RSPO4: variants seen among roughly 807,000 people sequenced by gnomAD.
The protein encoded by RSPO4 is R-spondin-4.
RSPO4 carries 23 observed loss-of-function variants against 24.8 expected under a neutral mutation model. The observed-to-expected ratio is 0.93, with a 90% CI of 0.67 to 1.31. RSPO4 has a LOEUF of 1.31. Ranked by LOEUF, RSPO4 falls within the 40% of genes most tolerant of loss-of-function variation. RSPO4 has a pLI of 0.00. For missense variants in RSPO4, 333 were observed against 316.5 expected, an observed-to-expected ratio of 1.05 and a Z score of -0.39; for synonymous variants, 141 against 127.4, an observed-to-expected ratio of 1.11 and a Z score of -0.72.
At chr20:967,149 G>A in intron 3 of RSPO4, 25 bp downstream of exon 3, 8 of 1,608,232 alleles carry the variant, frequency 5.0e-6, no homozygotes, top group Non-Finnish European at 5.9e-6. Flanking sequence ...AGGGGCAGGG[G>A]CAGGGCGGGG....
At chr20:966,198 G>T (rs1327506954) in intron 3 of RSPO4, among the ~76,000 whole-genome samples, 1 of 152,152 alleles carries the variant, frequency 6.6e-6, no homozygotes. Context: ...GAGCCCGGAG[G>T]GAATGCGTGG....
rs1600087858 is a variant in RSPO4 at position 964,070 on chromosome 20, C to T, written c.460G>A (p.Gly154Arg). The part of the protein sequence containing the change: ...WGGWSPCTHN[G>R]KTCGSAWGLE... ...CCCCAAGCCGAGCCGCAGGTCTTTC[C>T]ATTGTGTGTGCAGGGGCTCCAGCCG... is the stretch of plus-strand genomic sequence containing the variant. Residue 154 changes from glycine to arginine, a missense_variant, in exon 4 of 5, where the codon GGA (glycine) becomes AGA (arginine). Physicochemically the swap from Gly to Arg is moderately radical, Grantham distance 125 (BLOSUM62 -2). Coordinates refer to ENST00000217260, the MANE Select transcript of RSPO4 (RefSeq NM_001029871.4). 1 of 1,613,894 alleles carries T rather than the reference C, an allele frequency of 6.2e-7. No individual in the cohort carries two copies. Among genetic ancestry groups the T allele is most frequent in the African/African-American group, 1.3e-5 (1 of 75,068 alleles).
chr20:959,987 A>G lies in RSPO4; in HGVS notation c.*370T>C. 1 of 263,060 alleles carries G rather than the reference A, an allele frequency of 3.8e-6. No individual in the cohort carries two copies. Among genetic ancestry groups the G allele is most frequent in the Non-Finnish European group, 7.3e-6 (1 of 136,814 alleles). 16.3% of individuals were successfully genotyped at this position (263,060 alleles called of 1,614,324 possible). The stretch of plus-strand genomic sequence containing the variant: ...TAGAGAAAGCTGCAGGGGAGGGCAC[A>G]GGCTCATGGTCCCTCTTAAAGTGTG... On this transcript the variant is annotated 3_prime_UTR_variant, in exon 5 of 5. Transcript: ENST00000217260.
chr20:971,384 TGTA>T (rs1984403095), intron 1 of RSPO4, among the ~76,000 whole-genome samples: 1 of 152,236 alleles, frequency 6.6e-6, no homozygotes, highest in South Asian at 2.1e-4. Flanking sequence ...GAGAAACCCT[TGTA>T]TATGTGTAGA....
At chr20:998,894 G>A (rs1210086166) in intron 1 of RSPO4, among the ~76,000 whole-genome samples, 3 of 152,088 alleles carry the variant, frequency 2.0e-5, no homozygotes, top group African/African-American at 4.8e-5. Flanking sequence ...GGACCCTGAG[G>A]GATTGTGTAC....
Position 970,582 on chromosome 20 carries a change from TCTGAGGGCAGAGAG to T in RSPO4, c.80-2458_80-2445del, listed in dbSNP as rs1171287517. ...TCTGGAGCTGTATACCTGGCAGGGA[TCTGAGGGCAGAGAG>T]CAAGTGTGATGTTGTAAGGGAGATT... On this transcript the variant is annotated intron_variant, in intron 1 of 4. Coordinates refer to ENST00000217260, the MANE Select transcript of RSPO4 (RefSeq NM_001029871.4). This position sits in a 1 kb window ranked among gnomAD's most constrained non-coding sequence, Gnocchi z 4.1. Among the ~76,000 whole-genome samples, 1 of 152,008 alleles carries T rather than the reference TCTGAGGGCAGAGAG, an allele frequency of 6.6e-6. No homozygotes were observed. The highest frequency in any genetic ancestry group is 1.5e-5 in the Non-Finnish European group (1 of 68,018).
chr20:998,579 A>G (rs1568935543), intron 1 of RSPO4, among the ~76,000 whole-genome samples: 1 of 152,198 alleles, frequency 6.6e-6, no homozygotes, highest in Non-Finnish European at 1.5e-5. Context: ...GCAGGCTCAG[A>G]GAGGGCAGAT....
At chr20:982,098 T>A (rs1269447568) in intron 1 of RSPO4, among the ~76,000 whole-genome samples, 1 of 152,160 alleles carries the variant, frequency 6.6e-6, no homozygotes, top group Non-Finnish European at 1.5e-5. Context: ...GTTTTTGGAT[T>A]CCTCATCATT....
At chr20:984,165 G>A (rs540721020) in intron 1 of RSPO4, among the ~76,000 whole-genome samples, 13 of 151,974 alleles carry the variant, frequency 8.6e-5, no homozygotes, top group South Asian at 2.1e-4. Context: ...GTGAAACCCC[G>A]TCTCTACTAA....
At chr20:990,151 G>A (rs535589560) in intron 1 of RSPO4, among the ~76,000 whole-genome samples, 5 of 152,294 alleles carry the variant, frequency 3.3e-5, no homozygotes, top group Admixed American at 6.5e-5. Flanking sequence ...CTTGTGGTCC[G>A]TCACCCCTCC....
intron 3 of RSPO4, among the ~76,000 whole-genome samples, 175 bp from the exon 4 acceptor site, chr20:964,295 T>C (rs1328776740): frequency 6.6e-6 from 1 of 152,188 alleles, no homozygotes; most frequent in Non-Finnish European, 1.5e-5. Flanking sequence ...GCGAAACGAA[T>C]GCATGCACAG....
At chr20:971,522 C>T (rs1216673313) in intron 1 of RSPO4, among the ~76,000 whole-genome samples, 2 of 152,218 alleles carry the variant, frequency 1.3e-5, no homozygotes. Context: ...ATACCACATA[C>T]ACAACCCAGC....
In RSPO4 at chr20:960,216, GAA is replaced by G; in HGVS notation, c.*139_*140del. On this transcript the variant is annotated 3_prime_UTR_variant, in exon 5 of 5. Coordinates refer to ENST00000217260, the MANE Select transcript of RSPO4 (RefSeq NM_001029871.4). ...AAAAGAAAGGGAAGGTAGACTGACA[GAA>G]AAATGATAGAAGGGTGGAAAGAAAG... is the stretch of plus-strand genomic sequence containing the variant. The G allele has an allele frequency of 1.6e-6, 1 of 635,966 alleles. No homozygotes were observed. The highest frequency in any genetic ancestry group is 2.7e-5 in the Admixed American group (1 of 36,906). The allele number at this position is 635,966 out of a possible 1,614,324, so 39.4% of individuals were successfully genotyped here.
chr20:993,069 G>A (rs1985162183), intron 1 of RSPO4, among the ~76,000 whole-genome samples: 1 of 152,212 alleles, frequency 6.6e-6, no homozygotes, highest in Non-Finnish European at 1.5e-5. Context: ...TGGCGGATGT[G>A]GGCTCTGCCA....
chr20:997,265 G>T (rs1043818487), intron 1 of RSPO4, among the ~76,000 whole-genome samples: 1 of 152,160 alleles, frequency 6.6e-6, no homozygotes, highest in Non-Finnish European at 1.5e-5. Flanking sequence ...GGGTTGGATG[G>T]TTTCCGTCCA....
chr20:960,053 G>C lies in RSPO4; in HGVS notation c.*304C>G. ...AGAGGAGGGAGAGAGAGAAGGATGC[G>C]GTGAAGGACAGGAAGAAACACAGGA... On this transcript the variant is annotated 3_prime_UTR_variant, in exon 5 of 5. Transcript: ENST00000217260. 3 of 453,814 alleles carry C rather than the reference G, an allele frequency of 6.6e-6. No individual in the cohort carries two copies. Among genetic ancestry groups the C allele is most frequent in the Non-Finnish European group, 1.2e-5 (3 of 250,174 alleles). The allele number at this position is 453,814 out of a possible 1,614,324, so 28.1% of individuals were successfully genotyped here. A position where few individuals can be genotyped will look rare whatever the true frequency, so the allele number is the denominator to read the frequency against.
At chr20:978,724 G>T (rs1478324177) in intron 1 of RSPO4, among the ~76,000 whole-genome samples, 2 of 152,016 alleles carry the variant, frequency 1.3e-5, no homozygotes, top group African/African-American at 2.4e-5. Context: ...CATCAGGGGT[G>T]GTTTTCTAGG....
chr20:966,123 A>T (rs2207324), intron 3 of RSPO4, among the ~76,000 whole-genome samples: 14,806 of 152,162 alleles, frequency 0.097, 816 homozygotes, highest in Middle Eastern at 0.16. Context: ...GGTGAGGATC[A>T]GCTGCTCAGG....
chr20:982,935 C>T (rs1349143235), intron 1 of RSPO4, among the ~76,000 whole-genome samples: 6 of 152,204 alleles, frequency 3.9e-5, no homozygotes, highest in African/African-American at 4.8e-5. Flanking sequence ...ACACCTCCAG[C>T]CAATCAGGAT....
Sources: gnomAD v4.1 joint callset for allele counts (sites outside exome capture counted in the v4.1 genomes callset) on GRCh38, gnomAD v4.1.1 for gene constraint, Gnocchi (gnomAD v3.1) non-coding constraint, MANE v1.5 for transcripts, NCBI Gene and HGNC (gene_info 2026-07-23, HGNC 2026-07-21) for gene names.